The following CHERP variants were observed in gnomAD, a reference collection of about 807,000 sequenced individuals.
CHERP encodes the protein calcium homeostasis endoplasmic reticulum protein.
In CHERP, 8 loss-of-function variants were observed where a neutral mutation model predicts 113.8. The ratio of observed to expected loss-of-function variants is 0.07; its 90% CI spans 0.04 to 0.13. The LOEUF (loss-of-function observed/expected upper bound fraction) is 0.13, where lower values mean the gene tolerates loss of function less well. Among genes scored for constraint, CHERP ranks in the 10% least tolerant of loss-of-function variants. The probability of loss-of-function intolerance (pLI) is 1.00; values close to 1 mark genes in which losing one functional copy is unlikely to be tolerated. For missense variants in CHERP, 884 were observed against 1,298.2 expected (o/e 0.68, Z 4.90); for synonymous variants, 559 against 524.5 (o/e 1.07, Z -0.90).
At position 16,535,541 on chromosome 19, in the gene CHERP, C is replaced by A; in HGVS notation, c.295G>T (p.Ala99Ser). Residue 99 changes from alanine to serine, a missense_variant, in exon 3 of 17, where the codon GCC becomes TCC. Around this residue, in one of 8 missense-constraint regions of CHERP, gnomAD observed 109 missense variants for 134.2 expected, o/e 0.81. Coordinates refer to ENST00000546361, the MANE Select transcript of CHERP (RefSeq NM_006387.6). This position sits in a 1 kb window ranked among gnomAD's most constrained non-coding sequence, Gnocchi z 4.3. Reference protein sequence around the residue: ...PLAPAAPIPPAQGAPSMDELI... With the variant: ...PLAPAAPIPPSQGAPSMDELI... ...TCGTCCATGGATGGCGCGCCCTGGG[C>A]CGGCGGGATGGGCGCGGCGGGGGCC... 1 of 1,596,744 alleles carries A rather than the reference C, an allele frequency of 6.3e-7. No homozygotes were observed. The highest frequency in any genetic ancestry group is 8.5e-7 in the Non-Finnish European group (1 of 1,172,204).
At chr19:16,533,764 A>T (rs1214256991) in intron 3 of CHERP, among the ~76,000 whole-genome samples, 1 of 147,478 alleles carries the variant, frequency 6.8e-6, no homozygotes, top group Non-Finnish European at 1.5e-5. Flanking sequence ...CTTGTCTCTA[A>T]CAACAACAAA....
Position 16,523,343 on chromosome 19 carries a change from C to A in CHERP, c.1742-53G>T. The A allele has an allele frequency of 1.3e-6, 2 of 1,595,524 alleles. No individual in the cohort carries two copies. Among genetic ancestry groups the A allele is most frequent in the East Asian group, 2.3e-5 (1 of 43,266 alleles). ...CACAGGCCAGTCAGGATCTCCCAGG[C>A]GACAAGTGCTGGAGGGGAGGGGCTC... On this transcript the variant is annotated intron_variant, in intron 10 of 16. Coordinates refer to ENST00000546361, the MANE Select transcript of CHERP (RefSeq NM_006387.6). This position sits in a 1 kb window ranked among gnomAD's most constrained non-coding sequence, Gnocchi z 4.0.
Position 16,532,232 on chromosome 19 carries a change from G to A in CHERP, c.674+366C>T, listed in dbSNP as rs8101084. The A allele has an allele frequency of 0.15, 32,625 of 220,348 alleles. 3,261 individuals carry two copies. The highest frequency in any genetic ancestry group is 0.31 in the African/African-American group (13,694 of 43,590). The allele number at this position is 220,348 out of a possible 1,614,324, so 13.6% of individuals were successfully genotyped here. A position where few individuals can be genotyped will look rare whatever the true frequency, so the allele number is the denominator to read the frequency against. ...GTGCAAATCAGTGACGAGGGCAGGA[G>A]ACAGACACAGAGGCCAAGGAGGCCG... On this transcript the variant is annotated intron_variant, in intron 5 of 16. Coordinates refer to ENST00000546361, the MANE Select transcript of CHERP (RefSeq NM_006387.6). This position sits in a 1 kb window ranked among gnomAD's most constrained non-coding sequence, Gnocchi z 4.4.
intron 2 of CHERP, among the ~76,000 whole-genome samples, chr19:16,536,356 G>A (rs982495628): frequency 1.2e-4 from 19 of 152,300 alleles, no homozygotes; most frequent in Admixed American, 4.6e-4. Flanking sequence ...GAAGGGACCC[G>A]GCTCATAAGG....
chr19:16,518,979 A>C lies in CHERP; in HGVS notation c.*180T>G. The C allele has an allele frequency of 1.6e-6, 1 of 636,426 alleles. No individual in the cohort carries two copies. The highest frequency in any genetic ancestry group is 2.7e-6 in the Non-Finnish European group (1 of 377,326). 39.4% of individuals were successfully genotyped at this position (636,426 alleles called of 1,614,324 possible). A position where few individuals can be genotyped will look rare whatever the true frequency, so the allele number is the denominator to read the frequency against. ...TTTGTGGGTGGCACCCGTGCCCTCC[A>C]CGCCATGGAGCACGGCGTTCCCACT... On this transcript the variant is annotated 3_prime_UTR_variant, in exon 17 of 17. Transcript: ENST00000546361.
intron 5 of CHERP, chr19:16,531,929 CCCGCACGTGCGGG>C (rs2085707861): frequency 1.3e-5 from 2 of 151,882 alleles, no homozygotes; most frequent in Admixed American, 1.3e-4. Flanking sequence ...CTTGTCTCCT[CCCGCACGTGCGGG>C]CCTTTGGCCT....
At position 16,542,052 on chromosome 19, in the gene CHERP, C is replaced by T. The variant is rs553131079; in HGVS notation, c.26-9G>A. Reference sequence around the variant, plus strand: ...ATTTCGAAGCTCCTGGTCTGGAGGACGGAGAAAAGGCCACGCGGGGCGTCA... The same window carrying T: ...ATTTCGAAGCTCCTGGTCTGGAGGATGGAGAAAAGGCCACGCGGGGCGTCA... On this transcript the variant is annotated splice_polypyrimidine_tract_variant and intron_variant, in intron 1 of 16. Transcript: ENST00000546361. 3.2e-5 allele frequency: 51 copies of T among 1,606,740 alleles called. 1 individual carries two copies. In the South Asian group the frequency reaches 5.5e-4, roughly 17 times the overall value.
Position 16,520,169 on chromosome 19 carries a change from C to G in CHERP, c.2442G>C (p.Arg814=). The part of the protein sequence containing the change: ...SYSPGRRRRS[R]SRSPTPPSSA... ...CTTACGGCGGGGTGGGGCTCCTGGA[C>G]CGTGACCGGCGTCTTCTTCCTGGGG... Residue 814 remains arginine (R), a synonymous_variant, in exon 15 of 17, where the codon CGG becomes CGC. Coordinates refer to ENST00000546361, the MANE Select transcript of CHERP (RefSeq NM_006387.6). The surrounding 1 kb of genome is among the most constrained non-coding windows in gnomAD (Gnocchi z 4.0). 6.2e-7 allele frequency: 1 copy of G among 1,612,608 alleles called. No individual in the cohort carries two copies. The highest frequency in any genetic ancestry group is 8.5e-7 in the Non-Finnish European group (1 of 1,179,970).
intron 9 of CHERP, 27 bp downstream of exon 9, chr19:16,528,050 TCTG>T (rs2085668346): frequency 1.2e-6 from 2 of 1,609,670 alleles, no homozygotes; most frequent in Non-Finnish European, 1.7e-6. Context: ...GTGTGCCCCA[TCTG>T]CTCCCACCCC....
intron 3 of CHERP, among the ~76,000 whole-genome samples, chr19:16,534,056 T>C (rs1380008828): frequency 2.8e-5 from 4 of 144,948 alleles, no homozygotes; most frequent in African/African-American, 5.2e-5. Flanking sequence ...TCTTTTCTTT[T>C]CTTTTTTTTT....
chr19:16,518,983 C>T lies in CHERP; in HGVS notation c.*176G>A. On this transcript the variant is annotated 3_prime_UTR_variant, in exon 17 of 17. Coordinates refer to ENST00000546361, the MANE Select transcript of CHERP (RefSeq NM_006387.6). The stretch of plus-strand genomic sequence containing the variant: ...TGGGTGGCACCCGTGCCCTCCACGC[C>T]ATGGAGCACGGCGTTCCCACTGGGC... 1.5e-6 allele frequency: 1 copy of T among 650,148 alleles called. No homozygotes were observed. The highest frequency in any genetic ancestry group is 2.6e-6 in the Non-Finnish European group (1 of 388,308). The allele number at this position is 650,148 out of a possible 1,614,324, so 40.3% of individuals were successfully genotyped here.
chr19:16,530,729 G>A lies in CHERP; in HGVS notation c.786+40C>T, dbSNP rs1319831618. On this transcript the variant is annotated intron_variant, in intron 6 of 16. Transcript: ENST00000546361. This position sits in a 1 kb window ranked among gnomAD's most constrained non-coding sequence, Gnocchi z 4.1. ...CAGTGGGGAGGGGAAAGGCCTGTGT[G>A]TCCCGGTCTTGCCCAACCCCCGGCC... 1 of 1,614,034 alleles carries A rather than the reference G, an allele frequency of 6.2e-7. No individual in the cohort carries two copies.
At position 16,533,153 on chromosome 19, in the gene CHERP, G is replaced by C. The variant is rs372924628; in HGVS notation, c.385-5C>G. 6.3e-7 allele frequency: 1 copy of C among 1,581,062 alleles called. No homozygotes were observed. The highest frequency in any genetic ancestry group is 8.6e-7 in the Non-Finnish European group (1 of 1,164,086). ...CACGGCCGCTGTCACTTGCTCCTGC[G>C]GGCGGGGGTCGGTGGGGTCGAGAAC... On this transcript the variant is annotated splice_region_variant and splice_polypyrimidine_tract_variant and intron_variant, in intron 3 of 16. Coordinates refer to ENST00000546361, the MANE Select transcript of CHERP (RefSeq NM_006387.6).
In CHERP at chr19:16,541,937, G is replaced by A. The variant is rs756918135; in HGVS notation, c.132C>T (p.Phe44=). 1 of 1,614,138 alleles carries A rather than the reference G, an allele frequency of 6.2e-7. No homozygotes were observed. Among genetic ancestry groups the A allele is most frequent in the Admixed American group, 1.7e-5 (1 of 60,026 alleles). ...TMEKQKDNPK[F]SFLFGGEFYS... Reference sequence around the variant, plus strand: ...AGAATTCGCCTCCGAAAAGAAACGAGAATTTGGGGTTGTCCTTCTGCTTCT... The same window carrying A: ...AGAATTCGCCTCCGAAAAGAAACGAAAATTTGGGGTTGTCCTTCTGCTTCT... The change falls in exon 2 of 17, where the codon TTC becomes TTT. Residue 44 remains phenylalanine (F), a synonymous_variant. Coordinates refer to ENST00000546361, the MANE Select transcript of CHERP (RefSeq NM_006387.6).
Position 16,530,481 on chromosome 19 carries a change from C to G in CHERP, c.876+104G>C. 1 of 1,031,720 alleles carries G rather than the reference C, an allele frequency of 9.7e-7. No individual in the cohort carries two copies. Among genetic ancestry groups the G allele is most frequent in the African/African-American group, 1.6e-5 (1 of 63,922 alleles). The allele number at this position is 1,031,720 out of a possible 1,614,324, so 63.9% of individuals were successfully genotyped here. A position where few individuals can be genotyped will look rare whatever the true frequency, so the allele number is the denominator to read the frequency against. ...TCCTAGCACAGGCAGGGGACATGGG[C>G]TCTCTGGCTGCTGGGGTGGCAGCTG... On this transcript the variant is annotated intron_variant, in intron 7 of 16. Transcript: ENST00000546361. This position sits in a 1 kb window ranked among gnomAD's most constrained non-coding sequence, Gnocchi z 4.1.
In CHERP at chr19:16,530,638, C is replaced by T; in HGVS notation, c.823G>A (p.Asp275Asn). 1 of 1,614,064 alleles carries T rather than the reference C, an allele frequency of 6.2e-7. No homozygotes were observed. Among genetic ancestry groups the T allele is most frequent in the Non-Finnish European group, 8.5e-7 (1 of 1,179,942 alleles). ...QLWEKNGYFD[D>N]SIIQQLQSPA... ...CTCTGTAGCTGCTGAATGATGGAGT[C>T]ATCGAAGTAGCCGTTTTTCTCCCAG... Residue 275 changes from aspartate to asparagine, a missense_variant, in exon 7 of 17, where the codon GAC becomes AAC. This residue lies in a region of CHERP where 73 missense variants were observed against 182.4 expected (regional missense o/e 0.40). Coordinates refer to ENST00000546361, the MANE Select transcript of CHERP (RefSeq NM_006387.6). This position sits in a 1 kb window ranked among gnomAD's most constrained non-coding sequence, Gnocchi z 4.1.
Position 16,542,009 on chromosome 19 carries a change from G to A in CHERP, c.60C>T (p.Ala20=). ...CGGGCCCATTGCGAGCCACGAACTG[G>A]GCGAGCTTGTCGATGACATTTCGAA... ...QELRNVIDKL[A]QFVARNGPEF... is the part of the protein sequence containing the mutation. The change falls in exon 2 of 17, where the codon GCC becomes GCT. Residue 20 remains alanine (A), a synonymous_variant. Coordinates refer to ENST00000546361, the MANE Select transcript of CHERP (RefSeq NM_006387.6). 1.2e-6 allele frequency: 2 copies of A among 1,613,796 alleles called. No individual in the cohort carries two copies. Among genetic ancestry groups the A allele is most frequent in the Non-Finnish European group, 1.7e-6 (2 of 1,179,922 alleles).
chr19:16,531,001 G>C, intron 5 of CHERP, 121 bp from the exon 6 acceptor site: 1 of 1,463,588 alleles, frequency 6.8e-7, no homozygotes, highest in Non-Finnish European at 9.1e-7. Context: ...TCCCCAACCC[G>C]GTCAGGGCGA....
At position 16,519,063 on chromosome 19, in the gene CHERP, G is replaced by C; in HGVS notation, c.*96C>G. On this transcript the variant is annotated 3_prime_UTR_variant, in exon 17 of 17. Transcript: ENST00000546361. This position sits in a 1 kb window ranked among gnomAD's most constrained non-coding sequence, Gnocchi z 6.0. ...CTCTCCACAAGTGGAGACGGTGTAA[G>C]AACTGAGCTGTCACTGCAATCTTCC... is the stretch of plus-strand genomic sequence containing the variant. The C allele has an allele frequency of 8.9e-7, 1 of 1,126,276 alleles. No individual in the cohort carries two copies. The highest frequency in any genetic ancestry group is 1.3e-6 in the Non-Finnish European group (1 of 781,136). The allele number at this position is 1,126,276 out of a possible 1,614,324, so 69.8% of individuals were successfully genotyped here. A position where few individuals can be genotyped will look rare whatever the true frequency, so the allele number is the denominator to read the frequency against.
Sources: allele counts gnomAD v4.1 joint callset (sites outside exome capture counted in the v4.1 genomes callset), GRCh38; gene constraint gnomAD v4.1.1; regional missense constraint gnomAD v4.1.1; non-coding constraint Gnocchi (gnomAD v3.1); transcripts MANE v1.5; gene names NCBI Gene and HGNC (gene_info 2026-07-23, HGNC 2026-07-21).